The following COX10 variants were observed in gnomAD, a reference collection of about 807,000 sequenced individuals.
COX10 encodes the protein protoheme IX farnesyltransferase, mitochondrial.
Under a neutral mutation model 37.3 loss-of-function variants are expected in COX10, and 27 were observed. That is an observed-to-expected ratio of 0.72 (90% confidence interval 0.53 to 1.00). The LOEUF is 1.00. Ranked by LOEUF, COX10 falls within the 50% of genes least tolerant of loss-of-function variation. The pLI is 0.00. For missense variants in COX10, 475 were observed against 563.2 expected (o/e 0.84, Z 1.59); for synonymous variants, 222 against 229.1 (o/e 0.97, Z 0.28).
At chr17:14,084,376 C>G (rs1915364190) in intron 3 of COX10, among the ~76,000 whole-genome samples, 1 of 151,864 alleles carries the variant, frequency 6.6e-6, no homozygotes, top group African/African-American at 2.4e-5. Context: ...AGATTGAAAT[C>G]CTCCTGTAAT....
chr17:14,076,655 C>G (rs540304153), intron 2 of COX10, 80 bp from the exon 3 acceptor site: 1 of 1,306,598 alleles, frequency 7.7e-7, no homozygotes, highest in African/African-American at 1.5e-5. Flanking sequence ...AAAAGCTGGT[C>G]TGATTGAAGA....
intron 6 of COX10, 131 bp from the exon 7 acceptor site, chr17:14,206,679 C>T (rs1242694425): frequency 1.7e-6 from 2 of 1,145,836 alleles, no homozygotes; most frequent in Admixed American, 1.7e-5. Context: ...TGTAGGCAGG[C>T]AGCGATGAGA....
At chr17:14,159,771 C>T (rs933175840) in intron 4 of COX10, 106 bp from the exon 5 acceptor site, 45 of 841,288 alleles carry the variant, frequency 5.3e-5, no homozygotes, top group Admixed American at 3.9e-4. Context: ...TTTATGCTAT[C>T]GAAATTAAAA....
chr17:14,175,394 T>A (rs558662097), intron 5 of COX10, among the ~76,000 whole-genome samples: 46 of 152,008 alleles, frequency 3.0e-4, no homozygotes, highest in African/African-American at 1.1e-3. Flanking sequence ...TGCTTCACCT[T>A]GCAAGCCTGA....
chr17:14,159,396 C>G (rs1905124357), intron 4 of COX10, among the ~76,000 whole-genome samples: 1 of 152,174 alleles, frequency 6.6e-6, no homozygotes, highest in Non-Finnish European at 1.5e-5. Context: ...ACAGTTGAGC[C>G]TTGAATGACA....
intron 5 of COX10, among the ~76,000 whole-genome samples, chr17:14,175,102 T>C (rs57141779): frequency 8.4e-4 from 34 of 40,636 alleles, no homozygotes; most frequent in Non-Finnish European, 1.7e-3. Flanking sequence ...GGGGGGTGGA[T>C]AGGAGGGAAT....
At chr17:14,097,191 A>G (rs946641049) in intron 3 of COX10, among the ~76,000 whole-genome samples, 2 of 152,306 alleles carry the variant, frequency 1.3e-5, no homozygotes, top group Admixed American at 6.5e-5. Context: ...AATTACAGCT[A>G]TGGCAGTGTT....
At chr17:14,159,023 A>G (rs1304560407) in intron 4 of COX10, among the ~76,000 whole-genome samples, 1 of 152,220 alleles carries the variant, frequency 6.6e-6, no homozygotes, top group Non-Finnish European at 1.5e-5. Context: ...ATTAGTTTTG[A>G]TAATACCTTG....
chr17:14,074,493 TGC>T lies in COX10; in HGVS notation c.177+38_177+39del, dbSNP rs778156711. Reference sequence around the variant, plus strand: ...AGACCATTCTTACTCTGTTACTTTCTGCCTTTTTCTCTGTTGAGAGAATTTCA... The same window carrying T: ...AGACCATTCTTACTCTGTTACTTTCTCTTTTTCTCTGTTGAGAGAATTTCA... On this transcript the variant is annotated intron_variant, in intron 2 of 6. Coordinates refer to ENST00000261643, the MANE Select transcript of COX10 (RefSeq NM_001303.4). 3.5e-6 allele frequency: 5 copies of T among 1,444,374 alleles called. No homozygotes were observed. The East Asian group carries it at 1.3e-4, about 36-fold the overall frequency. The allele number at this position is 1,444,374 out of a possible 1,614,324, so 89.5% of individuals were successfully genotyped here. A position where few individuals can be genotyped will look rare whatever the true frequency, so the allele number is the denominator to read the frequency against.
intron 5 of COX10, among the ~76,000 whole-genome samples, chr17:14,172,068 C>G (rs1391011107): frequency 6.6e-6 from 1 of 152,090 alleles, no homozygotes; most frequent in Non-Finnish European, 1.5e-5. Flanking sequence ...ACAGCACATC[C>G]CAGCTGACTT....
intron 5 of COX10, among the ~76,000 whole-genome samples, chr17:14,164,201 G>A (rs1390666842): frequency 6.6e-6 from 1 of 152,030 alleles, no homozygotes; most frequent in Non-Finnish European, 1.5e-5. Context: ...GAGCAATCTT[G>A]TGAAAAGGCT....
At chr17:14,166,053 G>A (rs886603763) in intron 5 of COX10, among the ~76,000 whole-genome samples, 9 of 152,236 alleles carry the variant, frequency 5.9e-5, no homozygotes, top group African/African-American at 2.2e-4. Flanking sequence ...AAAACAAAAA[G>A]TGCAAGGTGA....
intron 5 of COX10, among the ~76,000 whole-genome samples, chr17:14,164,157 G>C (rs1905228240): frequency 6.6e-6 from 1 of 152,240 alleles, no homozygotes; most frequent in Non-Finnish European, 1.5e-5. Flanking sequence ...TCTAGGGACT[G>C]TGTATGTGGT....
chr17:14,173,078 T>C (rs1305916603), intron 5 of COX10, among the ~76,000 whole-genome samples: 1 of 152,236 alleles, frequency 6.6e-6, no homozygotes, highest in Non-Finnish European at 1.5e-5. Context: ...GTTGTTTGAA[T>C]TCCTTGTACA....
At chr17:14,087,445 C>G (rs1384368876) in intron 3 of COX10, among the ~76,000 whole-genome samples, 1 of 152,176 alleles carries the variant, frequency 6.6e-6, no homozygotes, top group Admixed American at 6.5e-5. Flanking sequence ...TCTGTTTGCA[C>G]TGTTCTGTCT....
rs567079851 is a variant in COX10, at chr17:14,069,559, G to T, written c.-47G>T. ...ATGGCGGCGCCCAGCGTCCCGTGAG[G>T]AGAGAGGACACAGGGATCCCGGGGA... On this transcript the variant is annotated 5_prime_UTR_variant, in exon 1 of 7. Coordinates refer to ENST00000261643, the MANE Select transcript of COX10 (RefSeq NM_001303.4). 2 of 1,609,842 alleles carry T rather than the reference G, an allele frequency of 1.2e-6. No homozygotes were observed. The highest frequency in any genetic ancestry group is 2.2e-5 in the East Asian group (1 of 44,808).
At chr17:14,084,535 G>T (rs971475552) in intron 3 of COX10, among the ~76,000 whole-genome samples, 4 of 152,042 alleles carry the variant, frequency 2.6e-5, no homozygotes, top group African/African-American at 9.7e-5. Context: ...TTAATATTCT[G>T]CTTATGTCTT....
At position 14,113,309 on chromosome 17, in the gene COX10, T is replaced by A. The variant is rs369516402; in HGVS notation, c.624+11067T>A. Among the ~76,000 whole-genome samples, 7 of 152,242 alleles carry A rather than the reference T, an allele frequency of 4.6e-5. No homozygotes were observed. In the East Asian group the frequency reaches 1.2e-3, roughly 25 times the overall value. On this transcript the variant is annotated intron_variant, in intron 4 of 6. Transcript: ENST00000261643. ...TTCTGTCCTCTGTTCTTGTGTACTC[T>A]GCCCCCTTGTGCCTTCCTCCCTTCA... is the stretch of plus-strand genomic sequence containing the variant.
chr17:14,116,260 A>C (rs7221475), intron 4 of COX10, among the ~76,000 whole-genome samples: 77,955 of 152,014 alleles, frequency 0.51, 20,193 homozygotes, highest in South Asian at 0.57. Flanking sequence ...GAAAATATTA[A>C]ACGGAAAATT....
Sources: allele counts gnomAD v4.1 joint callset (sites outside exome capture counted in the v4.1 genomes callset), GRCh38; gene constraint gnomAD v4.1.1; transcripts MANE v1.5; gene names NCBI Gene and HGNC (gene_info 2026-07-23, HGNC 2026-07-21).